Variants in IFT80 observed in about 807,000 individuals in gnomAD.
IFT80 encodes the protein intraflagellar transport protein 80 homolog.
A neutral mutation model predicts 107.9 loss-of-function variants in IFT80; 79 were observed. The observed-to-expected ratio is 0.73, with a 90% confidence interval of 0.61 to 0.88. The LOEUF is 0.88. Ranked by LOEUF, IFT80 falls within the 40% of genes least tolerant of loss-of-function variation. The pLI, the probability that IFT80 is intolerant of heterozygous loss-of-function variation, is 0.00. For missense variants in IFT80, 797 were observed against 914.2 expected (o/e 0.87, Z 1.65); for synonymous variants, 299 against 300.9 (o/e 0.99, Z 0.07).
intron 2 of IFT80, chr3:160,384,298 C>T (rs1221162364): frequency 4.3e-6 from 2 of 469,078 alleles, no homozygotes; most frequent in Non-Finnish European, 5.6e-6. Context: ...TAAACAAAAA[C>T]TGCTTTTTAA....
At chr3:160,265,895 A>C (rs953945286) in intron 19 of IFT80, among the ~76,000 whole-genome samples, 9 of 152,204 alleles carry the variant, frequency 5.9e-5, no homozygotes, top group Admixed American at 2.6e-4. Flanking sequence ...AAGTCTGGCA[A>C]AGATAAATAT....
chr3:160,262,661 G>A (rs934953229), intron 19 of IFT80, among the ~76,000 whole-genome samples: 18 of 152,170 alleles, frequency 1.2e-4, no homozygotes, highest in South Asian at 1.0e-3. Flanking sequence ...CTCTGGAGTC[G>A]TCCCTGAGCT....
At chr3:160,293,780 C>T (rs1269436582) in intron 12 of IFT80, among the ~76,000 whole-genome samples, 2 of 152,128 alleles carry the variant, frequency 1.3e-5, no homozygotes, top group East Asian at 1.9e-4. Flanking sequence ...AGCCCTCCAC[C>T]CCATTAGCAA....
intron 5 of IFT80, among the ~76,000 whole-genome samples, chr3:160,366,779 G>A (rs1405314575): frequency 6.6e-6 from 1 of 151,938 alleles, no homozygotes; most frequent in Non-Finnish European, 1.5e-5. Context: ...GGAAAATGGG[G>A]TATCCATCCT....
At position 160,280,743 on chromosome 3, in the gene IFT80, T is replaced by G. The variant is rs761918122; in HGVS notation, c.1588A>C (p.Ile530Leu). 1 of 1,612,666 alleles carries G rather than the reference T, an allele frequency of 6.2e-7. No homozygotes were observed. Among genetic ancestry groups the G allele is most frequent in the Non-Finnish European group, 8.5e-7 (1 of 1,178,858 alleles). Reference sequence around the variant, plus strand: ...ACTGTATTGGGGTAATACCACACTATAAATCGAGTATCTTGAAGTCCACAA... The same window carrying G: ...ACTGTATTGGGGTAATACCACACTAGAAATCGAGTATCTTGAAGTCCACAA... ...ILCGLQDTRF[I>L]VWYYPNTVYV... Residue 530 changes from isoleucine (I) to leucine (L), a missense_variant, in exon 15 of 20, where the codon ATA (isoleucine) becomes CTA (leucine). Transcript: ENST00000326448.
At chr3:160,269,235 A>G (rs2108211412) in intron 18 of IFT80, among the ~76,000 whole-genome samples, 1 of 152,188 alleles carries the variant, frequency 6.6e-6, no homozygotes, top group South Asian at 2.1e-4. Context: ...AAAAAAAAAA[A>G]AAAAGAAAAT....
rs534634534 is a variant in IFT80 at position 160,354,952 on chromosome 3, A to C, written c.777+1061T>G. Reference sequence around the variant, plus strand: ...AAATCTTAATAGATTAAAAGCTCTAAAAATTCTGTCTTATTCTGCATTAGA... The same window carrying C: ...AAATCTTAATAGATTAAAAGCTCTACAAATTCTGTCTTATTCTGCATTAGA... On this transcript the variant is annotated intron_variant, in intron 8 of 19. Transcript: ENST00000326448. 1.9e-4 allele frequency among the ~76,000 whole-genome samples: 29 copies of C among 152,342 alleles called. No homozygotes were observed. The South Asian group carries it at 5.2e-3, about 27-fold the overall frequency.
At chr3:160,294,770 C>T (rs1715846613) in intron 12 of IFT80, among the ~76,000 whole-genome samples, 1 of 152,184 alleles carries the variant, frequency 6.6e-6, no homozygotes, top group Non-Finnish European at 1.5e-5. Flanking sequence ...GCTAAGCTCC[C>T]AGTCTGAGAA....
At chr3:160,334,580 C>T (rs1438811598) in intron 8 of IFT80, among the ~76,000 whole-genome samples, 1 of 152,026 alleles carries the variant, frequency 6.6e-6, no homozygotes, top group African/African-American at 2.4e-5. Flanking sequence ...GCATGCCCAG[C>T]TAATTTTTGT....
rs143769117 is a variant in IFT80, at chr3:160,264,066, T to C, written c.2223+4347A>G. Among the ~76,000 whole-genome samples, 427 of 151,772 alleles carry C rather than the reference T, an allele frequency of 2.8e-3. 2 individuals are homozygous for C. The highest frequency in any genetic ancestry group is 9.4e-3 in the African/African-American group (388 of 41,400). On this transcript the variant is annotated intron_variant, in intron 19 of 19. Transcript: ENST00000326448. The stretch of plus-strand genomic sequence containing the variant: ...ATCCTCCCACCTTAGCCTCCCAAAG[T>C]GTTGGGATTACAGGCTTGAGCCACT...
rs985115446 is a variant in IFT80 at position 160,257,971 on chromosome 3, T to C, written c.*554A>G. 2 of 159,640 alleles carry C rather than the reference T, an allele frequency of 1.3e-5. No individual in the cohort carries two copies. The highest frequency in any genetic ancestry group is 4.8e-5 in the African/African-American group (2 of 41,508). 9.9% of individuals were successfully genotyped at this position (159,640 alleles called of 1,614,324 possible). A position where few individuals can be genotyped will look rare whatever the true frequency, so the allele number is the denominator to read the frequency against. On this transcript the variant is annotated 3_prime_UTR_variant, in exon 20 of 20. Coordinates refer to ENST00000326448, the MANE Select transcript of IFT80 (RefSeq NM_020800.3). ...GCTAAATAATATTCCATTGTATGTA[T>C]TATAGCACATTTGTTTATCCATTCA...
chr3:160,330,261 G>A (rs765132189), intron 8 of IFT80, among the ~76,000 whole-genome samples: 5 of 152,104 alleles, frequency 3.3e-5, no homozygotes, highest in Admixed American at 1.3e-4. Flanking sequence ...CTGGATGTGT[G>A]TTTAAAAGTT....
chr3:160,348,579 T>G (rs1383241911), intron 8 of IFT80, among the ~76,000 whole-genome samples: 2 of 152,228 alleles, frequency 1.3e-5, no homozygotes, highest in African/African-American at 4.8e-5. Context: ...GCAATTCTAC[T>G]TCTAAGTATA....
chr3:160,343,197 C>G (rs988599539), intron 8 of IFT80, among the ~76,000 whole-genome samples: 1 of 152,024 alleles, frequency 6.6e-6, no homozygotes, highest in African/African-American at 2.4e-5. Flanking sequence ...TGTTTAGGAC[C>G]ATTTACTGCA....
intron 11 of IFT80, 39 bp from the exon 12 acceptor site, chr3:160,301,085 G>A (rs369676611): frequency 8.4e-5 from 126 of 1,494,332 alleles, no homozygotes; most frequent in Middle Eastern, 7.1e-4. Context: ...TCAAACAGGA[G>A]TATACTTTAT....
rs1267135240 is a variant in IFT80, at chr3:160,279,371, A to G, written c.1665-7T>C. 6.2e-6 allele frequency: 10 copies of G among 1,600,692 alleles called. No homozygotes were observed. Among genetic ancestry groups the G allele is most frequent in the African/African-American group, 2.7e-5 (2 of 74,334 alleles). On this transcript the variant is annotated splice_polypyrimidine_tract_variant and splice_region_variant and intron_variant, in intron 15 of 19. Coordinates refer to ENST00000326448, the MANE Select transcript of IFT80 (RefSeq NM_020800.3). ...GGGATTTTTACTAAATTCACTGTTGAAAAAAAAAGCAAAGTACAATTTAAA... is the reference window on the plus strand; with the variant it reads ...GGGATTTTTACTAAATTCACTGTTGGAAAAAAAAGCAAAGTACAATTTAAA...
At chr3:160,359,581 C>T (rs1378298423) in intron 6 of IFT80, among the ~76,000 whole-genome samples, 1 of 152,092 alleles carries the variant, frequency 6.6e-6, no homozygotes, top group East Asian at 1.9e-4. Context: ...CAGTTAGGGG[C>T]CGATTGACAC....
chr3:160,326,216 A>G (rs1192389873), intron 8 of IFT80, among the ~76,000 whole-genome samples: 1 of 152,104 alleles, frequency 6.6e-6, no homozygotes, highest in African/African-American at 2.4e-5. Flanking sequence ...CAATATAATC[A>G]AAACCTAATC....
Position 160,284,774 on chromosome 3 carries a change from C to T in IFT80, c.1380+1030G>A, listed in dbSNP as rs138689481. Among the ~76,000 whole-genome samples the T allele has an allele frequency of 2.9e-3, 438 of 152,174 alleles. 7 individuals carry two copies. Among genetic ancestry groups the T allele is most frequent in the East Asian group, 0.023 (119 of 5,182 alleles). On this transcript the variant is annotated intron_variant, in intron 13 of 19. Coordinates refer to ENST00000326448, the MANE Select transcript of IFT80 (RefSeq NM_020800.3). ...AAGCACTTTATGTATAGATATGGAACTATCTCCAGAAAGACAGTATTATAT... is the reference window on the plus strand; with the variant it reads ...AAGCACTTTATGTATAGATATGGAATTATCTCCAGAAAGACAGTATTATAT...
Sources: gnomAD v4.1 joint callset for allele counts (sites outside exome capture counted in the v4.1 genomes callset) on GRCh38, gnomAD v4.1.1 for gene constraint, MANE v1.5 for transcripts, NCBI Gene and HGNC (gene_info 2026-07-23, HGNC 2026-07-21) for gene names.